The following SLC7A6 variants were observed in gnomAD, a reference collection of about 807,000 sequenced individuals.
The protein encoded by SLC7A6 is Y+L amino acid transporter 2.
SLC7A6 carries 29 observed loss-of-function variants against 46.6 expected under a neutral mutation model. That is an observed-to-expected ratio of 0.62 (90% confidence interval 0.46 to 0.85). SLC7A6 has a LOEUF of 0.85. Ranked by LOEUF, SLC7A6 falls within the 40% of genes least tolerant of loss-of-function variation. The pLI, the probability that SLC7A6 is intolerant of heterozygous loss-of-function variation, is 0.00. For synonymous variants in SLC7A6, 276 were observed against 257.3 expected, an observed-to-expected ratio of 1.07 and a Z score of -0.70; for missense variants, 527 against 647.6, an observed-to-expected ratio of 0.81 and a Z score of 2.02.
At chr16:68,290,666 C>A in intron 5 of SLC7A6, 126 bp downstream of exon 5, 1 of 1,179,888 alleles carries the variant, frequency 8.5e-7, no homozygotes, top group Non-Finnish European at 1.2e-6. Context: ...ACTCCCCCTT[C>A]TCCAGCTAGG....
At chr16:68,290,237 TTTTC>T (rs2151228294) in intron 4 of SLC7A6, 155 bp from the exon 5 acceptor site, 1 of 721,444 alleles carries the variant, frequency 1.4e-6, no homozygotes, top group African/African-American at 1.8e-5. Flanking sequence ...CCTTCTTGTT[TTTTC>T]TTTCTTGTTC....
At position 68,264,927 on chromosome 16, in the gene SLC7A6, C is replaced by T. The variant is rs530902890; in HGVS notation, c.-166+351C>T. Among the ~76,000 whole-genome samples, 1 of 152,064 alleles carries T rather than the reference C, an allele frequency of 6.6e-6. No homozygotes were observed. Among genetic ancestry groups the T allele is most frequent in the African/African-American group, 2.4e-5 (1 of 41,464 alleles). ...TGTGTGGAGAGGGAAACCCCAGGTG[C>T]GAGGGTGACCGGGACGCTGAGTGCG... On this transcript the variant is annotated intron_variant, in intron 1 of 10. Coordinates refer to ENST00000219343, the MANE Select transcript of SLC7A6 (RefSeq NM_003983.6). This position sits in a 1 kb window ranked among gnomAD's most constrained non-coding sequence, Gnocchi z 5.8.
At position 68,294,764 on chromosome 16, in the gene SLC7A6, T is replaced by C. The variant is rs772950452; in HGVS notation, c.1082T>C (p.Ile361Thr). ...CCGGACCTTCTGTCCATGATCCACA[T>C]TGAGCGTTTTACACCTATCCCTGCT... ...HLPDLLSMIH[I>T]ERFTPIPALL... The change falls in exon 8 of 11, where the codon ATT (isoleucine) becomes ACT (threonine). Residue 361 changes from isoleucine to threonine, a missense_variant. Physicochemically the swap from Ile to Thr is moderately conservative, Grantham distance 89. Transcript: ENST00000219343. 8 of 1,614,002 alleles carry C rather than the reference T, an allele frequency of 5.0e-6. No individual in the cohort carries two copies. Among genetic ancestry groups the C allele is most frequent in the East Asian group, 2.2e-5 (1 of 44,892 alleles).
chr16:68,274,249 C>G (rs1174297215), intron 2 of SLC7A6, among the ~76,000 whole-genome samples: 1 of 152,152 alleles, frequency 6.6e-6, no homozygotes, highest in Non-Finnish European at 1.5e-5. Context: ...GGTGACTGGG[C>G]AGGATTACCT....
At position 68,299,048 on chromosome 16, in the gene SLC7A6, T is replaced by C. The variant is rs1349909946; in HGVS notation, c.*1720T>C. ...CCCTGGGTTCAGAGCATAATGCATATGTGAAGCATGGGGTGACATTCCTAC... is the reference window on the plus strand; with the variant it reads ...CCCTGGGTTCAGAGCATAATGCATACGTGAAGCATGGGGTGACATTCCTAC... On this transcript the variant is annotated 3_prime_UTR_variant, in exon 11 of 11. Coordinates refer to ENST00000219343, the MANE Select transcript of SLC7A6 (RefSeq NM_003983.6). 2.0e-5 allele frequency: 3 copies of C among 152,630 alleles called. No homozygotes were observed. The highest frequency in any genetic ancestry group is 6.5e-5 in the Admixed American group (1 of 15,280). The allele number at this position is 152,630 out of a possible 1,614,324, so 9.5% of individuals were successfully genotyped here.
chr16:68,296,513 G>A lies in SLC7A6; in HGVS notation c.1269G>A (p.Lys423=), dbSNP rs185012628. Reference sequence around the variant, plus strand: ...AGCCCAAGCGGCCCCGGCCTCTCAAGGTCAGCAGCTCTGGCCAGACTAGGA... The same window carrying A: ...AGCCCAAGCGGCCCCGGCCTCTCAAAGTCAGCAGCTCTGGCCAGACTAGGA... ...WKEPKRPRPL[K]LSVFFPIVFC... The change falls in exon 9 of 11, where the codon AAG becomes AAA. Residue 423 remains lysine, a splice_region_variant and synonymous_variant. Coordinates refer to ENST00000219343, the MANE Select transcript of SLC7A6 (RefSeq NM_003983.6). The A allele has an allele frequency of 5.0e-6, 8 of 1,614,186 alleles. No individual in the cohort carries two copies. The African/African-American group carries it at 8.0e-5, about 16-fold the overall frequency.
At chr16:68,286,714 T>G (rs547050673) in intron 3 of SLC7A6, among the ~76,000 whole-genome samples, 2 of 152,144 alleles carry the variant, frequency 1.3e-5, no homozygotes, top group African/African-American at 4.8e-5. Flanking sequence ...CTGAAGTGTG[T>G]GAGGAGCTAG....
chr16:68,283,442 C>G (rs117930325), intron 3 of SLC7A6, among the ~76,000 whole-genome samples: 1 of 152,178 alleles, frequency 6.6e-6, no homozygotes, highest in Non-Finnish European at 1.5e-5. Flanking sequence ...AAGACACTTT[C>G]TGAGGTCTTA....
Position 68,291,763 on chromosome 16 carries a change from GT to G in SLC7A6, c.1022+103del, listed in dbSNP as rs1567593771. On this transcript the variant is annotated intron_variant, in intron 7 of 10. Transcript: ENST00000219343. Reference sequence around the variant, plus strand: ...TCCCTCCTTCTCATGGGCATATAGGGTGTGTGTGTGTGTGTGTGTGTGTGTG... The same window carrying G: ...TCCCTCCTTCTCATGGGCATATAGGGGTGTGTGTGTGTGTGTGTGTGTGTG... 3.0e-4 allele frequency: 90 copies of G among 295,542 alleles called. No homozygotes were observed. The African/African-American group carries it at 3.7e-3, about 12-fold the overall frequency. The allele number at this position is 295,542 out of a possible 1,614,324, so 18.3% of individuals were successfully genotyped here. A position where few individuals can be genotyped will look rare whatever the true frequency, so the allele number is the denominator to read the frequency against.
intron 2 of SLC7A6, among the ~76,000 whole-genome samples, chr16:68,270,490 G>T (rs746172539): frequency 1.8e-4 from 28 of 152,128 alleles, no homozygotes; most frequent in Non-Finnish European, 3.8e-4. Context: ...TACCAAGAGC[G>T]GTTTTCTCAG....
At chr16:68,273,614 T>G (rs1043380641) in intron 2 of SLC7A6, among the ~76,000 whole-genome samples, 1 of 152,132 alleles carries the variant, frequency 6.6e-6, no homozygotes, top group Non-Finnish European at 1.5e-5. Flanking sequence ...AGTGGCAAAT[T>G]AGCCCTGGGT....
At chr16:68,267,011 T>C (rs1184917340) in intron 2 of SLC7A6, among the ~76,000 whole-genome samples, 2 of 152,008 alleles carry the variant, frequency 1.3e-5, no homozygotes, top group Non-Finnish European at 2.9e-5. Context: ...CTCTGCTCAC[T>C]GCAACCTCTG....
At chr16:68,292,351 G>A (rs1193592847) in intron 7 of SLC7A6, 1 of 152,230 alleles carries the variant, frequency 6.6e-6, no homozygotes, top group African/African-American at 2.4e-5. Context: ...TGGGCTCGGG[G>A]TTCCAGCACT....
intron 3 of SLC7A6, among the ~76,000 whole-genome samples, chr16:68,279,112 G>T (rs1466744331): frequency 6.6e-6 from 1 of 151,802 alleles, no homozygotes; most frequent in East Asian, 1.9e-4. Context: ...GAGGAGGGAG[G>T]ATCACTTGAG....
chr16:68,291,770 T>G (rs1206593017), intron 7 of SLC7A6, 109 bp downstream of exon 7: 1 of 614,398 alleles, frequency 1.6e-6, no homozygotes, highest in Non-Finnish European at 2.8e-6. Context: ...AGGGTGTGTG[T>G]GTGTGTGTGT....
At chr16:68,296,877 T>A in intron 10 of SLC7A6, 67 bp downstream of exon 10, 1 of 1,524,574 alleles carries the variant, frequency 6.6e-7, no homozygotes, top group Non-Finnish European at 8.9e-7. Context: ...AGGTGGGGGG[T>A]GGCTAACAGC....
rs1567593599 is a variant in SLC7A6 at position 68,291,644 on chromosome 16, C to CATCT, written c.1006_1009dup (p.Phe337TyrfsTer27). 1 of 1,613,986 alleles carries CATCT rather than the reference C, an allele frequency of 6.2e-7. No individual in the cohort carries two copies. Among genetic ancestry groups the CATCT allele is most frequent in the Admixed American group, 1.7e-5 (1 of 60,026 alleles). On this transcript the variant is annotated frameshift_variant, in exon 7 of 11. Transcript: ENST00000219343. LOFTEE classifies it high-confidence loss of function. Reference sequence around the variant, plus strand: ...CCTGCTTTGGGGGCCTCAATGCATCCATCTTTGCTTCATCAAGGTACTGTG... The same window carrying CATCT: ...CCTGCTTTGGGGGCCTCAATGCATCCATCTATCTTTGCTTCATCAAGGTACTGTG...
chr16:68,295,261 G>T (rs1597009828), intron 8 of SLC7A6, among the ~76,000 whole-genome samples: 1 of 152,148 alleles, frequency 6.6e-6, no homozygotes, highest in East Asian at 1.9e-4. Flanking sequence ...AACTAAAGAG[G>T]GACCAAGGGT....
intron 7 of SLC7A6, 142 bp downstream of exon 7, chr16:68,291,803 G>GTGTGTGTGTGTGTGTGTGTGTGTGTGT (rs879220268): frequency 4.5e-6 from 3 of 665,472 alleles, no homozygotes; most frequent in African/African-American, 1.8e-5. Context: ...GTGTGTGTTT[G>GTGTGTGTGTGTGTGTGTGTGTGTGTGT]GTATGTGGGC....
Sources: allele counts gnomAD v4.1 joint callset (sites outside exome capture counted in the v4.1 genomes callset), GRCh38; gene constraint gnomAD v4.1.1; non-coding constraint Gnocchi (gnomAD v3.1); transcripts MANE v1.5; gene names NCBI Gene and HGNC (gene_info 2026-07-23, HGNC 2026-07-21).